PTBP3: variants seen among roughly 807,000 people sequenced by gnomAD.
PTBP3 encodes the protein polypyrimidine tract-binding protein 3.
PTBP3 carries 20 observed loss-of-function variants against 58.7 expected under a neutral mutation model. The ratio of observed to expected loss-of-function variants is 0.34; its 90% CI spans 0.24 to 0.50. The LOEUF is 0.50. Among genes scored for constraint, PTBP3 ranks in the 20% least tolerant of loss-of-function variants. The probability of loss-of-function intolerance (pLI) is 0.98; values close to 1 mark genes in which losing one functional copy is unlikely to be tolerated. For synonymous variants in PTBP3, 185 were observed against 219.8 expected (o/e 0.84, Z 1.40); for missense variants, 509 against 637.2 (o/e 0.80, Z 2.17).
At chr9:112,319,320 T>G (rs549679472) in intron 1 of PTBP3, among the ~76,000 whole-genome samples, 1 of 152,170 alleles carries the variant, frequency 6.6e-6, no homozygotes, top group South Asian at 2.1e-4. Context: ...GGAGGATCAC[T>G]TAAGCTCAGC....
chr9:112,372,187 C>G, the PTBP3 span, among the ~76,000 whole-genome samples: 1 of 152,098 alleles, frequency 6.6e-6, no homozygotes, highest in African/African-American at 2.4e-5. Flanking sequence ...GTGATCCTCC[C>G]TCCTCAGCCC....
the PTBP3 span, among the ~76,000 whole-genome samples, chr9:112,364,270 G>T: frequency 7.8e-6 from 1 of 128,272 alleles, no homozygotes; most frequent in Non-Finnish European, 1.6e-5. Flanking sequence ...TTTGATAAGA[G>T]AATTTCAAGA....
Position 112,221,756 on chromosome 9 carries a change from C to T in PTBP3, c.*2095G>A, listed in dbSNP as rs892843379. The T allele has an allele frequency of 1.0e-6, 1 of 985,148 alleles. No homozygotes were observed. The highest frequency in any genetic ancestry group is 1.7e-5 in the African/African-American group (1 of 57,238). 61.0% of individuals were successfully genotyped at this position (985,148 alleles called of 1,614,324 possible). A position where few individuals can be genotyped will look rare whatever the true frequency, so the allele number is the denominator to read the frequency against. ...GTATCCCTCCTTTCTATTCTACCAACTAAGTGTTGCTCAGTGGTGAGTGAA... is the reference window on the plus strand; with the variant it reads ...GTATCCCTCCTTTCTATTCTACCAATTAAGTGTTGCTCAGTGGTGAGTGAA... On this transcript the variant is annotated 3_prime_UTR_variant, in exon 14 of 14. Transcript: ENST00000374257.
intron 3 of PTBP3, among the ~76,000 whole-genome samples, chr9:112,273,433 G>A (rs1264190149): frequency 6.6e-6 from 1 of 152,142 alleles, no homozygotes; most frequent in Non-Finnish European, 1.5e-5. Context: ...CAGACAATTT[G>A]TAAACAATAA....
At chr9:112,257,289 G>C (rs987479854) in intron 5 of PTBP3, among the ~76,000 whole-genome samples, 1 of 152,180 alleles carries the variant, frequency 6.6e-6, no homozygotes, top group Admixed American at 6.5e-5. Context: ...CAACATCAGG[G>C]AATCTAGGAA....
At position 112,333,497 on chromosome 9, in the gene PTBP3, A is replaced by G; in HGVS notation, c.-79T>C. On this transcript the variant is annotated 5_prime_UTR_variant, in exon 1 of 14. Transcript: ENST00000374257. ...ATCCATGGCCCAGATGGAGGCGCGC[A>G]CAGAGCAGGGACTGACGGGCTAACC... The G allele has an allele frequency of 6.3e-7, 1 of 1,592,770 alleles. No homozygotes were observed. Among genetic ancestry groups the G allele is most frequent in the Non-Finnish European group, 8.5e-7 (1 of 1,170,208 alleles).
intron 2 of PTBP3, among the ~76,000 whole-genome samples, chr9:112,295,598 T>A (rs1191546091): frequency 9.7e-6 from 1 of 103,596 alleles, no homozygotes; most frequent in Non-Finnish European, 1.8e-5. Context: ...GAGGTTCTGT[T>A]GGTAAAAAAA....
In PTBP3 at chr9:112,263,115, A is replaced by G. The variant is rs544862524; in HGVS notation, c.352-516T>C. ...AGGGAGCGTTGATCAGAATGCAAGG[A>G]AATGTTCAAAGAATGATAGGGATAT... On this transcript the variant is annotated intron_variant, in intron 4 of 13. Coordinates refer to ENST00000374257, the MANE Select transcript of PTBP3 (RefSeq NM_001163788.4). Among the ~76,000 whole-genome samples the G allele has an allele frequency of 6.4e-4, 97 of 152,348 alleles. 1 individual carries two copies. Among genetic ancestry groups the G allele is most frequent in the African/African-American group, 2.2e-3 (93 of 41,584 alleles).
the PTBP3 span, among the ~76,000 whole-genome samples, chr9:112,364,174 GTTCTTT>G: frequency 3.8e-5 from 3 of 79,872 alleles, no homozygotes; most frequent in East Asian, 3.9e-4. Context: ...TGCTAGGTCA[GTTCTTT>G]TTTTTTTTTT....
intron 4 of PTBP3, among the ~76,000 whole-genome samples, chr9:112,266,410 C>A (rs1836801754): frequency 6.6e-6 from 1 of 152,118 alleles, no homozygotes; most frequent in Non-Finnish European, 1.5e-5. Context: ...GCACTCTAAG[C>A]ACATAATCTC....
intron 1 of PTBP3, among the ~76,000 whole-genome samples, chr9:112,324,639 G>C (rs58632972): frequency 0.37 from 54,716 of 148,690 alleles, 11,005 homozygotes; most frequent in Non-Finnish European, 0.46. Flanking sequence ...GACAGAGCGA[G>C]ACTACCTCTT....
chr9:112,349,889 A>AAAAAAAAAAAAAAAG, the PTBP3 span, among the ~76,000 whole-genome samples: 1 of 141,838 alleles, frequency 7.1e-6, no homozygotes, highest in East Asian at 2.1e-4. Flanking sequence ...AAAAAAAAAA[A>AAAAAAAAAAAAAAAG]GAATTCAGTT....
At chr9:112,287,656 CT>C (rs978201479) in intron 2 of PTBP3, among the ~76,000 whole-genome samples, 7 of 152,066 alleles carry the variant, frequency 4.6e-5, no homozygotes, top group African/African-American at 1.7e-4. Context: ...TTTTTTCTGT[CT>C]GTGTGCTTCA....
chr9:112,239,491 AG>A (rs1443598734), intron 7 of PTBP3, among the ~76,000 whole-genome samples: 2 of 152,092 alleles, frequency 1.3e-5, no homozygotes, highest in Non-Finnish European at 2.9e-5. Flanking sequence ...GCACTTTAGG[AG>A]GCCAAGGTGG....
At chr9:112,378,469 G>C in the PTBP3 span, among the ~76,000 whole-genome samples, 1 of 152,210 alleles carries the variant, frequency 6.6e-6, no homozygotes, top group Non-Finnish European at 1.5e-5. Flanking sequence ...GGCTCTAACA[G>C]ACTGAAGATA....
chr9:112,280,969 C>T (rs996147443), intron 2 of PTBP3: 2 of 151,990 alleles, frequency 1.3e-5, no homozygotes, highest in African/African-American at 2.4e-5. Flanking sequence ...ATTTCAATGA[C>T]GATTTATTTC....
intron 1 of PTBP3, among the ~76,000 whole-genome samples, chr9:112,308,447 T>G (rs1829328970): frequency 6.6e-6 from 1 of 151,984 alleles, no homozygotes; most frequent in Admixed American, 6.6e-5. Flanking sequence ...TACAGACTAC[T>G]TCAATATAAA....
intron 2 of PTBP3, 94 bp downstream of exon 2, chr9:112,297,738 G>C: frequency 1.0e-6 from 1 of 992,448 alleles, no homozygotes; most frequent in Non-Finnish European, 1.5e-6. Context: ...ATGAACAGTG[G>C]CACTTCAACA....
chr9:112,312,503 A>ATTTT (rs1425044871), intron 1 of PTBP3, among the ~76,000 whole-genome samples: 2,423 of 79,340 alleles, frequency 0.031, 106 homozygotes, highest in African/African-American at 0.12. Context: ...TTTTTTTTAA[A>ATTTT]AAAAAAAAAA....
Sources: allele counts gnomAD v4.1 joint callset (sites outside exome capture counted in the v4.1 genomes callset), GRCh38; gene constraint gnomAD v4.1.1; transcripts MANE v1.5; gene names NCBI Gene and HGNC (gene_info 2026-07-23, HGNC 2026-07-21).